PPARGC1A: variants seen among roughly 807,000 people sequenced by gnomAD.
PPARGC1A encodes PPARG coactivator 1 alpha.
A neutral mutation model predicts 88.7 loss-of-function variants in PPARGC1A; 25 were observed. The ratio of observed to expected loss-of-function variants is 0.28; its 90% CI spans 0.21 to 0.39. The LOEUF is 0.39. Among genes scored for constraint, PPARGC1A ranks in the 10% least tolerant of loss-of-function variants. The pLI is 1.00. For synonymous variants in PPARGC1A, 363 were observed against 355.6 expected (o/e 1.02, Z -0.24); for missense variants, 880 against 968.7 (o/e 0.91, Z 1.22).
intron 2 of PPARGC1A, among the ~76,000 whole-genome samples, chr4:23,880,513 T>C (rs1715709765): frequency 6.6e-6 from 1 of 152,216 alleles, no homozygotes. Context: ...TCATGGTCTG[T>C]TGAACTGCCA....
the PPARGC1A span, among the ~76,000 whole-genome samples, chr4:24,403,229 AATGAG>A: frequency 2.6e-5 from 4 of 152,226 alleles, no homozygotes; most frequent in Admixed American, 6.5e-5. Flanking sequence ...ATGAAGATGA[AATGAG>A]ATAAGGTGGT....
At chr4:24,067,045 G>A in the PPARGC1A span, among the ~76,000 whole-genome samples, 2 of 151,952 alleles carry the variant, frequency 1.3e-5, no homozygotes, top group Non-Finnish European at 2.9e-5. Context: ...TACTCCAAAT[G>A]TCTTTGGCAT....
At chr4:23,811,240 T>C (rs1720835605) in intron 10 of PPARGC1A, among the ~76,000 whole-genome samples, 1 of 152,236 alleles carries the variant, frequency 6.6e-6, no homozygotes, top group African/African-American at 2.4e-5. Flanking sequence ...TTTGATTCCA[T>C]TAGTCAGCTC....
the PPARGC1A span, among the ~76,000 whole-genome samples, chr4:24,406,554 C>A: frequency 6.6e-6 from 1 of 152,174 alleles, no homozygotes; most frequent in African/African-American, 2.4e-5. Flanking sequence ...GCTAGAAATG[C>A]CAAGAAATTG....
the PPARGC1A span, among the ~76,000 whole-genome samples, chr4:24,168,676 A>G: frequency 6.6e-6 from 1 of 151,880 alleles, no homozygotes; most frequent in Non-Finnish European, 1.5e-5. Flanking sequence ...CAATGATAAG[A>G]GTATATCAAA....
the PPARGC1A span, among the ~76,000 whole-genome samples, chr4:24,224,885 A>G: frequency 6.6e-6 from 1 of 152,206 alleles, no homozygotes; most frequent in African/African-American, 2.4e-5. Flanking sequence ...AAAAGACTTG[A>G]GGAAACTACA....
At chr4:24,025,226 G>T in the PPARGC1A span, among the ~76,000 whole-genome samples, 12 of 152,080 alleles carry the variant, frequency 7.9e-5, no homozygotes, top group African/African-American at 2.9e-4. Context: ...TCATTGGGAC[G>T]AATTAACAAA....
At chr4:23,993,087 C>T in the PPARGC1A span, among the ~76,000 whole-genome samples, 4 of 151,712 alleles carry the variant, frequency 2.6e-5, no homozygotes, top group Non-Finnish European at 4.4e-5. Flanking sequence ...CTAAAACAAA[C>T]AAAGTAAAGC....
chr4:23,947,614 C>G, the PPARGC1A span, among the ~76,000 whole-genome samples: 1 of 151,900 alleles, frequency 6.6e-6, no homozygotes, highest in Non-Finnish European at 1.5e-5. Context: ...TTACTGCAGA[C>G]AGAAAACCAA....
chr4:23,909,658 C>T, the PPARGC1A span, among the ~76,000 whole-genome samples: 1 of 151,812 alleles, frequency 6.6e-6, no homozygotes, highest in Admixed American at 6.6e-5. Flanking sequence ...TGAGGCCAAT[C>T]TGGAGGCAGA....
chr4:23,836,627 A>T (rs1359216052), intron 2 of PPARGC1A, among the ~76,000 whole-genome samples: 1 of 152,220 alleles, frequency 6.6e-6, no homozygotes, highest in African/African-American at 2.4e-5. Flanking sequence ...GCTCTTTGGG[A>T]CAGCTGAGTC....
At chr4:23,819,725 G>A (rs1038317596) in intron 7 of PPARGC1A, among the ~76,000 whole-genome samples, 1 of 152,130 alleles carries the variant, frequency 6.6e-6, no homozygotes, top group Non-Finnish European at 1.5e-5. Flanking sequence ...TGAAGAATAT[G>A]GTTGAAATAT....
the PPARGC1A span, among the ~76,000 whole-genome samples, chr4:24,381,794 C>T: frequency 0.013 from 1,950 of 152,318 alleles, 18 homozygotes; most frequent in Non-Finnish European, 0.019. Flanking sequence ...AGCTATACAA[C>T]TCTTTCATCA....
the PPARGC1A span, among the ~76,000 whole-genome samples, chr4:24,244,942 CAG>C: frequency 6.6e-6 from 1 of 151,820 alleles, no homozygotes; most frequent in African/African-American, 2.4e-5. Flanking sequence ...TTCAGGCTAA[CAG>C]TGTCTAGAAC....
chr4:23,903,833 C>T (rs1443420548), upstream of PPARGC1A, among the ~76,000 whole-genome samples: 2 of 151,486 alleles, frequency 1.3e-5, no homozygotes, highest in African/African-American at 2.4e-5. Context: ...ATACTACACA[C>T]TTCTCTCTTT....
the PPARGC1A span, among the ~76,000 whole-genome samples, chr4:24,113,212 G>A: frequency 6.6e-6 from 1 of 152,120 alleles, no homozygotes; most frequent in African/African-American, 2.4e-5. Context: ...CAATTGATAT[G>A]TACCCAGCAA....
the PPARGC1A span, among the ~76,000 whole-genome samples, chr4:24,414,956 G>A: frequency 1.1e-4 from 17 of 152,222 alleles, no homozygotes; most frequent in Middle Eastern, 3.4e-3. Flanking sequence ...TTGGGAGGCC[G>A]AGGCAGGTGG....
chr4:24,139,989 T>C, the PPARGC1A span, among the ~76,000 whole-genome samples: 1 of 152,164 alleles, frequency 6.6e-6, no homozygotes, highest in African/African-American at 2.4e-5. Flanking sequence ...ACAGGTTTGC[T>C]CCTTCCCTGT....
chr4:24,467,437 G>A, the PPARGC1A span, among the ~76,000 whole-genome samples: 4 of 152,278 alleles, frequency 2.6e-5, no homozygotes, highest in African/African-American at 9.6e-5. Context: ...TGAACTTTGA[G>A]GTATTGGCTA....
Sources: allele counts gnomAD v4.1 joint callset (sites outside exome capture counted in the v4.1 genomes callset), GRCh38; gene constraint gnomAD v4.1.1; transcripts MANE v1.5; gene names NCBI Gene and HGNC (gene_info 2026-07-23, HGNC 2026-07-21).